DISP1: variants seen among roughly 807,000 people sequenced by gnomAD.
The protein encoded by DISP1 is protein dispatched homolog 1.
A neutral mutation model predicts 37.3 loss-of-function variants in DISP1; 30 were observed. That is an observed-to-expected ratio of 0.80 (90% CI 0.60 to 1.09). DISP1 has a LOEUF of 1.09. DISP1 is among the 50% of genes least tolerant of loss of function. DISP1 has a pLI of 0.00. For missense variants in DISP1, 1,598 were observed against 1,879.5 expected (o/e 0.85, Z 2.77); for synonymous variants, 634 against 690.2 (o/e 0.92, Z 1.28).
intron 1 of DISP1, among the ~76,000 whole-genome samples, chr1:222,865,287 A>G (rs1012481314): frequency 1.3e-5 from 2 of 152,154 alleles, no homozygotes; most frequent in African/African-American, 4.8e-5. Context: ...AGAGTAGGAA[A>G]AGTTGGAAAA....
intron 4 of DISP1, 104 bp from the exon 5 acceptor site, chr1:222,990,521 G>A (rs1678622659): frequency 6.4e-7 from 1 of 1,567,716 alleles, no homozygotes; most frequent in Non-Finnish European, 8.8e-7. Flanking sequence ...ATAAATTGCT[G>A]TCTTAGGTAC....
At chr1:222,997,271 T>A (rs549874895) in intron 8 of DISP1, among the ~76,000 whole-genome samples, 1 of 152,306 alleles carries the variant, frequency 6.6e-6, no homozygotes, top group South Asian at 2.1e-4. Context: ...CATTTGCTGA[T>A]GGGAGCTGCA....
At chr1:222,903,085 A>G (rs993232722) in intron 1 of DISP1, among the ~76,000 whole-genome samples, 9 of 151,802 alleles carry the variant, frequency 5.9e-5, no homozygotes, top group African/African-American at 2.2e-4. Context: ...GATTAAGAAA[A>G]TGTGGCACAT....
intron 8 of DISP1, among the ~76,000 whole-genome samples, chr1:222,999,950 A>T (rs1251737192): frequency 6.6e-6 from 1 of 152,194 alleles, no homozygotes; most frequent in Non-Finnish European, 1.5e-5. Flanking sequence ...ACTCGTTTTT[A>T]ATAGCAGCCA....
intron 1 of DISP1, among the ~76,000 whole-genome samples, chr1:222,895,930 T>C (rs1279919654): frequency 2.6e-5 from 4 of 152,218 alleles, no homozygotes; most frequent in African/African-American, 9.6e-5. Flanking sequence ...AAAAAGCCTA[T>C]TCATAAGATT....
chr1:222,918,767 G>A (rs1672638653), intron 1 of DISP1, among the ~76,000 whole-genome samples: 1 of 152,232 alleles, frequency 6.6e-6, no homozygotes, highest in Non-Finnish European at 1.5e-5. Flanking sequence ...TGTGCCTTCT[G>A]TTAATCAGAA....
chr1:222,965,070 A>T (rs1163913134), intron 3 of DISP1, among the ~76,000 whole-genome samples: 1 of 151,980 alleles, frequency 6.6e-6, no homozygotes, highest in East Asian at 1.9e-4. Flanking sequence ...CTCTCTTAAC[A>T]CCCATACATG....
intron 1 of DISP1, among the ~76,000 whole-genome samples, chr1:222,860,054 CTGTTT>C (rs1163688665): frequency 1.3e-5 from 2 of 151,880 alleles, no homozygotes; most frequent in Non-Finnish European, 2.9e-5. Flanking sequence ...TTCTTTTTTT[CTGTTT>C]TGTTTTGTTT....
chr1:222,966,168 C>T (rs1028173577), intron 3 of DISP1, among the ~76,000 whole-genome samples: 14 of 152,158 alleles, frequency 9.2e-5, no homozygotes, highest in African/African-American at 3.4e-4. Context: ...GTTTATTACA[C>T]TTAAGTAAGT....
intron 1 of DISP1, among the ~76,000 whole-genome samples, chr1:222,927,829 G>A (rs924059544): frequency 6.6e-6 from 1 of 152,216 alleles, no homozygotes; most frequent in African/African-American, 2.4e-5. Flanking sequence ...AAAAAGCAGT[G>A]TCAAATTTAT....
chr1:222,990,578 CT>C (rs1222411077), intron 4 of DISP1, 46 bp from the exon 5 acceptor site: 6 of 1,613,170 alleles, frequency 3.7e-6, no homozygotes, highest in Non-Finnish European at 5.1e-6. Context: ...CTTTGTGTTT[CT>C]GTAGTTATGC....
rs147800897 is a variant in DISP1 at position 222,941,599 on chromosome 1, TG to T, written c.-17-1205del. On this transcript the variant is annotated intron_variant, in intron 2 of 8. Coordinates refer to ENST00000675850, the MANE Select transcript of DISP1 (RefSeq NM_001377229.1). The stretch of plus-strand genomic sequence containing the variant: ...AATATGCTAAATTTACATCCTAGTA[TG>T]GGCATGCTCTGCTCACAAATGCCTC... 2.4e-3 allele frequency among the ~76,000 whole-genome samples: 359 copies of T among 152,328 alleles called. 2 individuals are homozygous for T. The highest frequency in any genetic ancestry group is 8.3e-3 in the African/African-American group (344 of 41,576).
intron 3 of DISP1, among the ~76,000 whole-genome samples, chr1:222,947,135 AT>A (rs1402414903): frequency 1.3e-5 from 2 of 152,166 alleles, no homozygotes; most frequent in Admixed American, 1.3e-4. Flanking sequence ...GAACTATTTC[AT>A]CTTCCCAAAC....
intron 3 of DISP1, among the ~76,000 whole-genome samples, chr1:222,981,700 T>C (rs1020563203): frequency 7.2e-5 from 11 of 152,108 alleles, no homozygotes; most frequent in African/African-American, 2.7e-4. Flanking sequence ...AATTCCAAGG[T>C]AGGGTTCCAA....
chr1:222,819,377 C>CT (rs1662150437), intron 1 of DISP1, among the ~76,000 whole-genome samples: 1 of 152,020 alleles, frequency 6.6e-6, no homozygotes. Flanking sequence ...AGCCCAGTTA[C>CT]TTTTTAAGGG....
At chr1:222,820,354 G>T (rs912813764) in intron 1 of DISP1, among the ~76,000 whole-genome samples, 6 of 152,180 alleles carry the variant, frequency 3.9e-5, no homozygotes, top group African/African-American at 1.2e-4. Context: ...AAAGGATTTT[G>T]CAAGTTAGCA....
intron 3 of DISP1, among the ~76,000 whole-genome samples, chr1:222,953,341 C>T (rs760635979): frequency 9.9e-5 from 15 of 152,094 alleles, no homozygotes; most frequent in African/African-American, 1.7e-4. Context: ...TTCATGCCTG[C>T]GCTTAATCCT....
chr1:222,937,632 C>T (rs1014526270), intron 2 of DISP1, among the ~76,000 whole-genome samples: 41 of 152,042 alleles, frequency 2.7e-4, no homozygotes, highest in Non-Finnish European at 4.1e-4. Context: ...CTAAATCATT[C>T]TGGACATTAA....
chr1:222,838,882 T>A (rs1667416013), intron 1 of DISP1, among the ~76,000 whole-genome samples: 1 of 152,266 alleles, frequency 6.6e-6, no homozygotes. Context: ...ATATTAATTT[T>A]GGTTTTAAAA....
Sources: gnomAD v4.1 joint callset for allele counts (sites outside exome capture counted in the v4.1 genomes callset) on GRCh38, gnomAD v4.1.1 for gene constraint, MANE v1.5 for transcripts, NCBI Gene and HGNC (gene_info 2026-07-23, HGNC 2026-07-21) for gene names.